Variants in FAM91A1 observed in about 807,000 individuals in gnomAD.
FAM91A1 encodes family with sequence similarity 91 member A1, also known as protein FAM91A1.
Under a neutral mutation model 113.5 loss-of-function variants are expected in FAM91A1, and 41 were observed. The ratio of observed to expected loss-of-function variants is 0.36; its 90% CI spans 0.28 to 0.47. FAM91A1 has a LOEUF of 0.47. FAM91A1 is among the 20% of genes least tolerant of loss of function. The pLI, the probability that FAM91A1 is intolerant of heterozygous loss-of-function variation, is 1.00. For synonymous variants in FAM91A1, 307 were observed against 347.9 expected, an observed-to-expected ratio of 0.88 and a Z score of 1.31; for missense variants, 696 against 1,001.2, an observed-to-expected ratio of 0.70 and a Z score of 4.11.
Position 123,786,609 on chromosome 8 carries a change from A to G in FAM91A1, c.1077A>G (p.Pro359=). The G allele has an allele frequency of 6.2e-7, 1 of 1,612,278 alleles. No homozygotes were observed. Among genetic ancestry groups the G allele is most frequent in the Admixed American group, 1.7e-5 (1 of 60,028 alleles). ...CTGATACAAATAGTCAAGAAGATCCAGGTTAGCAGTAACTCAGTTTAACAT... is the reference window on the plus strand; with the variant it reads ...CTGATACAAATAGTCAAGAAGATCCGGGTTAGCAGTAACTCAGTTTAACAT... ...TDTDTNSQED[P]ADTASVSSLS... The change falls in exon 12 of 24, where the codon CCA becomes CCG. Residue 359 remains proline, a splice_region_variant and synonymous_variant. Coordinates refer to ENST00000334705, the MANE Select transcript of FAM91A1 (RefSeq NM_144963.4).
chr8:123,808,149 T>C, intron 20 of FAM91A1, 123 bp from the exon 21 acceptor site: 1 of 734,458 alleles, frequency 1.4e-6, no homozygotes, highest in Non-Finnish European at 2.2e-6. Flanking sequence ...AAGCCAAGGA[T>C]TATGCATTTT....
chr8:123,808,507 G>A (rs1275391116), intron 21 of FAM91A1, 131 bp downstream of exon 21: 4 of 573,972 alleles, frequency 7.0e-6, no homozygotes, highest in Non-Finnish European at 1.1e-5. Flanking sequence ...TTTCTAGGAA[G>A]CCTTTTTACA....
chr8:123,814,247 T>C lies in FAM91A1; in HGVS notation c.*1543T>C. Reference sequence around the variant, plus strand: ...ATAATTTCTTACGACTCTGAGTCACTCACTTATTTTTCCAATAATTGATAT... The same window carrying C: ...ATAATTTCTTACGACTCTGAGTCACCCACTTATTTTTCCAATAATTGATAT... On this transcript the variant is annotated 3_prime_UTR_variant, in exon 24 of 24. Transcript: ENST00000334705. The C allele has an allele frequency of 2.9e-6, 1 of 344,572 alleles. No individual in the cohort carries two copies. The highest frequency in any genetic ancestry group is 2.3e-5 in the South Asian group (1 of 42,986). 21.3% of individuals were successfully genotyped at this position (344,572 alleles called of 1,614,324 possible).
At chr8:123,800,897 A>G (rs1009266815) in intron 18 of FAM91A1, among the ~76,000 whole-genome samples, 3 of 152,162 alleles carry the variant, frequency 2.0e-5, no homozygotes, top group Admixed American at 6.5e-5. Context: ...TTTTATGGAT[A>G]TGCCACATTT....
At chr8:123,803,389 G>A (rs1187176243) in intron 18 of FAM91A1, among the ~76,000 whole-genome samples, 20 of 152,088 alleles carry the variant, frequency 1.3e-4, no homozygotes, top group Admixed American at 1.3e-3. Flanking sequence ...GCTCACTGCA[G>A]CCTCGACTTC....
rs550706239 is a variant in FAM91A1 at position 123,768,916 on chromosome 8, C to A, written c.72+142C>A. On this transcript the variant is annotated intron_variant, in intron 1 of 23. Coordinates refer to ENST00000334705, the MANE Select transcript of FAM91A1 (RefSeq NM_144963.4). ...CCTCCGTGGTCTTGGGGAGACGGACCTTCAGCCCAGGGCGAGGAGGGGACG... is the reference window on the plus strand; with the variant it reads ...CCTCCGTGGTCTTGGGGAGACGGACATTCAGCCCAGGGCGAGGAGGGGACG... 9.2e-5 allele frequency: 78 copies of A among 852,056 alleles called. No individual in the cohort carries two copies. The African/African-American group carries it at 1.3e-3, about 14-fold the overall frequency. The allele number at this position is 852,056 out of a possible 1,614,324, so 52.8% of individuals were successfully genotyped here.
At position 123,768,594 on chromosome 8, in the gene FAM91A1, A is replaced by T; in HGVS notation, c.-109A>T. ...GGCAGCCTGGGCCTTCTGCAGTGTG[A>T]GGCGCGGGGCCTCCCGCGTCGCTCC... On this transcript the variant is annotated 5_prime_UTR_variant, in exon 1 of 24. The change abolishes the stop of an existing upstream ORF in the 5' untranslated region. Transcript: ENST00000334705. 1.0e-6 allele frequency: 1 copy of T among 970,150 alleles called. No homozygotes were observed. The highest frequency in any genetic ancestry group is 1.5e-6 in the Non-Finnish European group (1 of 671,422). 60.1% of individuals were successfully genotyped at this position (970,150 alleles called of 1,614,324 possible). A position where few individuals can be genotyped will look rare whatever the true frequency, so the allele number is the denominator to read the frequency against.
At chr8:123,772,248 G>A (rs1218196049) in intron 1 of FAM91A1, among the ~76,000 whole-genome samples, 2 of 152,212 alleles carry the variant, frequency 1.3e-5, no homozygotes, top group Non-Finnish European at 2.9e-5. Context: ...CATAGGTAGT[G>A]TATTAAGAGA....
intron 3 of FAM91A1, among the ~76,000 whole-genome samples, chr8:123,776,373 T>G (rs765240549): frequency 4.6e-5 from 7 of 152,232 alleles, no homozygotes; most frequent in Non-Finnish European, 8.8e-5. Context: ...ACATACGATG[T>G]GTGCTTTGCT....
intron 14 of FAM91A1, chr8:123,788,227 C>T: frequency 1.0e-6 from 1 of 985,334 alleles, no homozygotes; most frequent in Non-Finnish European, 1.2e-6. Context: ...GCCATATTTG[C>T]TCTTAACCAC....
intron 1 of FAM91A1, among the ~76,000 whole-genome samples, chr8:123,769,792 C>T (rs1814795237): frequency 6.6e-6 from 1 of 152,160 alleles, no homozygotes; most frequent in Non-Finnish European, 1.5e-5. Context: ...ATATGGGCTA[C>T]AGATAACGCA....
intron 15 of FAM91A1, among the ~76,000 whole-genome samples, chr8:123,796,775 G>C (rs557140147): frequency 2.0e-5 from 3 of 150,170 alleles, no homozygotes; most frequent in African/African-American, 4.9e-5. Flanking sequence ...TTTAAGATAC[G>C]GGTCTTGGCT....
At chr8:123,808,216 G>A (rs1399520347) in intron 20 of FAM91A1, 56 bp from the exon 21 acceptor site, 2 of 1,382,604 alleles carry the variant, frequency 1.4e-6, no homozygotes, top group South Asian at 1.2e-5. Flanking sequence ...CTGATTTATT[G>A]GCAGCTTCTG....
intron 17 of FAM91A1, 28 bp from the exon 18 acceptor site, chr8:123,799,744 A>C: frequency 6.2e-7 from 1 of 1,606,128 alleles, no homozygotes; most frequent in Non-Finnish European, 8.5e-7. Context: ...TCTGAATGCC[A>C]TTTTACCTGT....
chr8:123,795,876 T>C (rs1815506321), intron 15 of FAM91A1, among the ~76,000 whole-genome samples: 1 of 152,216 alleles, frequency 6.6e-6, no homozygotes, highest in East Asian at 1.9e-4. Context: ...TGCGCTTATC[T>C]ATAAAGCTGC....
In FAM91A1 at chr8:123,814,974, T is replaced by TC. The variant is rs1180563898; in HGVS notation, c.*2273dup. On this transcript the variant is annotated 3_prime_UTR_variant, in exon 24 of 24. Coordinates refer to ENST00000334705, the MANE Select transcript of FAM91A1 (RefSeq NM_144963.4). ...TTTACCATGTTCCTTCCTTTCTTTT[T>TC]CCCGCTTCCTTAATGTAATTTAAAC... 1 of 152,598 alleles carries TC rather than the reference T, an allele frequency of 6.6e-6. No individual in the cohort carries two copies. Among genetic ancestry groups the TC allele is most frequent in the Admixed American group, 6.5e-5 (1 of 15,268 alleles). 9.5% of individuals were successfully genotyped at this position (152,598 alleles called of 1,614,324 possible). A position where few individuals can be genotyped will look rare whatever the true frequency, so the allele number is the denominator to read the frequency against.
At chr8:123,793,453 T>G (rs996186524) in intron 15 of FAM91A1, among the ~76,000 whole-genome samples, 1 of 152,222 alleles carries the variant, frequency 6.6e-6, no homozygotes, top group African/African-American at 2.4e-5. Flanking sequence ...TCGTATTCTC[T>G]GTATGAATTT....
chr8:123,776,782 G>A (rs912681629), intron 3 of FAM91A1, among the ~76,000 whole-genome samples: 2 of 152,178 alleles, frequency 1.3e-5, no homozygotes, highest in African/African-American at 4.8e-5. Context: ...AACAGATTGG[G>A]GCAGAAAAAG....
chr8:123,796,227 C>T (rs1815517113), intron 15 of FAM91A1, among the ~76,000 whole-genome samples: 1 of 152,146 alleles, frequency 6.6e-6, no homozygotes, highest in African/African-American at 2.4e-5. Context: ...GGATTGTCTG[C>T]TCTATGGAAG....
Sources: gnomAD v4.1 joint callset for allele counts (sites outside exome capture counted in the v4.1 genomes callset) on GRCh38, gnomAD v4.1.1 for gene constraint, MANE v1.5 for transcripts, NCBI Gene and HGNC (gene_info 2026-07-23, HGNC 2026-07-21) for gene names.